Variants in ADORA2B observed in about 807,000 individuals in gnomAD.
ADORA2B encodes the protein adenosine receptor A2b.
A neutral mutation model predicts 20.8 loss-of-function variants in ADORA2B; 18 were observed. That is an observed-to-expected ratio of 0.87 (90% CI 0.60 to 1.29). The LOEUF (loss-of-function observed/expected upper bound fraction) is 1.29. ADORA2B is among the 50% of genes most tolerant of loss of function. The pLI, the probability that ADORA2B is intolerant of heterozygous loss-of-function variation, is 0.00. For missense variants in ADORA2B, 441 were observed against 422.7 expected (o/e 1.04, Z -0.38); for synonymous variants, 179 against 178.3 (o/e 1.00, Z -0.03).
intron 1 of ADORA2B, among the ~76,000 whole-genome samples, chr17:15,951,051 A>T (rs904340267): frequency 6.6e-6 from 1 of 152,206 alleles, no homozygotes; most frequent in Non-Finnish European, 1.5e-5. Context: ...TGACTGGGTG[A>T]AAAGGGCACA....
the ADORA2B span, among the ~76,000 whole-genome samples, chr17:15,933,636 C>T: frequency 1.3e-5 from 2 of 151,960 alleles, no homozygotes; most frequent in East Asian, 3.8e-4. Flanking sequence ...TATATTTTGT[C>T]CAAGATACTG....
chr17:15,934,941 G>A, the ADORA2B span, among the ~76,000 whole-genome samples: 4 of 151,992 alleles, frequency 2.6e-5, no homozygotes, highest in Non-Finnish European at 5.9e-5. Context: ...TGATAAGCTG[G>A]GACCACAAGC....
the ADORA2B span, among the ~76,000 whole-genome samples, chr17:15,890,487 T>G: frequency 6.6e-6 from 1 of 151,400 alleles, no homozygotes; most frequent in African/African-American, 2.4e-5. Context: ...TTTATTTATT[T>G]ATTTATTTAT....
At chr17:15,911,156 T>C in the ADORA2B span, among the ~76,000 whole-genome samples, 1 of 152,238 alleles carries the variant, frequency 6.6e-6, no homozygotes, top group Non-Finnish European at 1.5e-5. Context: ...ATGGTCATTA[T>C]ATCACCCGCG....
At chr17:15,933,464 T>A in the ADORA2B span, among the ~76,000 whole-genome samples, 3 of 152,208 alleles carry the variant, frequency 2.0e-5, no homozygotes, top group Admixed American at 1.3e-4. Context: ...TGGGTATTTT[T>A]AAATTTATTT....
chr17:15,908,411 T>G, the ADORA2B span: 1 of 152,728 alleles, frequency 6.5e-6, no homozygotes, highest in Non-Finnish European at 1.5e-5. Flanking sequence ...CCTGTGCTGG[T>G]CTTCACATTC....
intron 1 of ADORA2B, among the ~76,000 whole-genome samples, chr17:15,949,095 C>T (rs897096391): frequency 6.6e-6 from 1 of 151,728 alleles, no homozygotes; most frequent in Non-Finnish European, 1.5e-5. Context: ...GTAATCCCAG[C>T]TACTTGAGAG....
At chr17:15,962,718 G>T (rs978510594) in intron 1 of ADORA2B, among the ~76,000 whole-genome samples, 13 of 151,968 alleles carry the variant, frequency 8.6e-5, no homozygotes, top group African/African-American at 2.7e-4. Context: ...GGGTTTCACC[G>T]TGTTGGCCAG....
Position 15,975,130 on chromosome 17 carries a change from CAG to C in ADORA2B, c.788_789del (p.Gln263ArgfsTer2). On this transcript the variant is annotated frameshift_variant, in exon 2 of 2. Coordinates refer to ENST00000304222, the MANE Select transcript of ADORA2B (RefSeq NM_000676.4). LOFTEE classifies it high-confidence loss of function. The part of the protein sequence containing the change: ...VNCVTLFQPA[Q>X]GKNKPKWAMN... Reference sequence around the variant, plus strand: ...CTGTGTCACTCTTTTCCAGCCAGCTCAGGGTAAAAATAAGCCCAAGTGGGCAA... The same window carrying C: ...CTGTGTCACTCTTTTCCAGCCAGCTCGGTAAAAATAAGCCCAAGTGGGCAA... The C allele has an allele frequency of 6.2e-7, 1 of 1,614,172 alleles. No individual in the cohort carries two copies. The highest frequency in any genetic ancestry group is 8.5e-7 in the Non-Finnish European group (1 of 1,180,036).
chr17:15,862,320 A>G, the ADORA2B span, among the ~76,000 whole-genome samples: 1 of 144,546 alleles, frequency 6.9e-6, no homozygotes, highest in East Asian at 2.1e-4. Context: ...GGTCCAAGTG[A>G]TTCTCATGCC....
At chr17:15,962,773 C>T (rs1477435850) in intron 1 of ADORA2B, among the ~76,000 whole-genome samples, 3 of 152,194 alleles carry the variant, frequency 2.0e-5, no homozygotes, top group African/African-American at 7.2e-5. Context: ...CCGCCTTGGC[C>T]TCCCAAAGTG....
the ADORA2B span, among the ~76,000 whole-genome samples, chr17:15,928,512 G>A: frequency 6.6e-6 from 1 of 152,146 alleles, no homozygotes; most frequent in Non-Finnish European, 1.5e-5. Context: ...CCTACAGCCG[G>A]TGCAGCTGTA....
the ADORA2B span, among the ~76,000 whole-genome samples, chr17:15,920,251 A>G: frequency 5.3e-5 from 8 of 152,194 alleles, no homozygotes; most frequent in Non-Finnish European, 7.3e-5. Context: ...AGGCATGAGA[A>G]GTTACTTAAT....
chr17:15,957,732 A>G (rs190928440), intron 1 of ADORA2B, among the ~76,000 whole-genome samples: 44 of 152,086 alleles, frequency 2.9e-4, no homozygotes, highest in Admixed American at 1.8e-3. Flanking sequence ...TGGACCGTTC[A>G]TTATTCCTGC....
chr17:15,927,265 C>T, the ADORA2B span, among the ~76,000 whole-genome samples: 2 of 152,092 alleles, frequency 1.3e-5, no homozygotes, highest in South Asian at 4.1e-4. Context: ...AGGCAGATCA[C>T]GAGGTCAGGA....
At chr17:15,952,629 A>G (rs1313239068) in intron 1 of ADORA2B, among the ~76,000 whole-genome samples, 1 of 152,128 alleles carries the variant, frequency 6.6e-6, no homozygotes, top group Admixed American at 6.5e-5. Context: ...AGATTCCTTT[A>G]ATTATTACCT....
upstream of ADORA2B, among the ~76,000 whole-genome samples, chr17:15,940,447 T>C (rs1969734043): frequency 6.6e-6 from 1 of 152,228 alleles, no homozygotes; most frequent in African/African-American, 2.4e-5. Context: ...GAAACCCTTG[T>C]TGACTTCCAG....
chr17:15,969,068 T>C (rs1970155178), intron 1 of ADORA2B, among the ~76,000 whole-genome samples: 1 of 152,156 alleles, frequency 6.6e-6, no homozygotes, highest in Non-Finnish European at 1.5e-5. Context: ...GTTCTTGTCC[T>C]TCCTTCCACT....
chr17:15,944,763 G>A (rs1216834035), upstream of ADORA2B, among the ~76,000 whole-genome samples: 1 of 152,106 alleles, frequency 6.6e-6, no homozygotes, highest in East Asian at 1.9e-4. The surrounding 1 kb of genome is among the most constrained non-coding windows in gnomAD (Gnocchi z 4.8). Flanking sequence ...CGCCCCGCCC[G>A]GGGTTGCGCG....
Sources: allele counts gnomAD v4.1 joint callset (sites outside exome capture counted in the v4.1 genomes callset), GRCh38; gene constraint gnomAD v4.1.1; non-coding constraint Gnocchi (gnomAD v3.1); transcripts MANE v1.5; gene names NCBI Gene and HGNC (gene_info 2026-07-23, HGNC 2026-07-21).